The following NELL1 variants were observed in gnomAD, a reference collection of about 807,000 sequenced individuals.
NELL1 encodes protein kinase C-binding protein NELL1.
Under a neutral mutation model 107.4 loss-of-function variants are expected in NELL1, and 76 were observed. The ratio of observed to expected loss-of-function variants is 0.71; its 90% CI spans 0.59 to 0.86. The LOEUF is 0.86. Among genes scored for constraint, NELL1 ranks in the 40% least tolerant of loss-of-function variants. NELL1 has a pLI of 0.00. For missense variants in NELL1, 1,024 were observed against 1,005.5 expected, an observed-to-expected ratio of 1.02 and a Z score of -0.25; for synonymous variants, 353 against 341.2, an observed-to-expected ratio of 1.03 and a Z score of -0.38.
chr11:20,832,442 G>A (rs927680053), intron 3 of NELL1, among the ~76,000 whole-genome samples: 2 of 152,172 alleles, frequency 1.3e-5, no homozygotes, highest in Admixed American at 1.3e-4. Context: ...TAAGCTCTGT[G>A]AACACATGGA....
At chr11:20,860,228 T>G (rs957721187) in intron 4 of NELL1, among the ~76,000 whole-genome samples, 3 of 152,232 alleles carry the variant, frequency 2.0e-5, no homozygotes, top group Non-Finnish European at 1.5e-5. Flanking sequence ...TAAAATAGTG[T>G]TTGCTTTTCA....
At chr11:21,546,795 G>T (rs548533932) in intron 16 of NELL1, among the ~76,000 whole-genome samples, 1 of 152,070 alleles carries the variant, frequency 6.6e-6, no homozygotes, top group Non-Finnish European at 1.5e-5. Context: ...TCTTTGAAAT[G>T]AATATTGAAT....
intron 4 of NELL1, among the ~76,000 whole-genome samples, chr11:20,869,742 T>C (rs1215866822): frequency 6.6e-6 from 1 of 152,180 alleles, no homozygotes; most frequent in African/African-American, 2.4e-5. Flanking sequence ...GTACCAGGTA[T>C]GGTGAGAAGA....
intron 15 of NELL1, among the ~76,000 whole-genome samples, chr11:21,384,281 C>T (rs1022526346): frequency 3.9e-5 from 6 of 151,910 alleles, no homozygotes; most frequent in Admixed American, 1.3e-4. Context: ...CCCATTTTCA[C>T]TGCGTAAAAG....
chr11:21,435,841 G>A (rs1853101941), intron 15 of NELL1, among the ~76,000 whole-genome samples: 1 of 151,142 alleles, frequency 6.6e-6, no homozygotes, highest in Non-Finnish European at 1.5e-5. Context: ...TGGTATAATG[G>A]TAATGCTGGC....
At chr11:20,675,382 G>A (rs776727813) in intron 1 of NELL1, among the ~76,000 whole-genome samples, 12 of 152,134 alleles carry the variant, frequency 7.9e-5, no homozygotes, top group East Asian at 3.9e-4. Context: ...CATGTCATCC[G>A]TCATCTCATA....
At chr11:20,715,367 G>A (rs531944486) in intron 2 of NELL1, among the ~76,000 whole-genome samples, 1 of 151,098 alleles carries the variant, frequency 6.6e-6, no homozygotes, top group South Asian at 2.1e-4. Flanking sequence ...CCTTCTGTCA[G>A]CCTTCCTATA....
chr11:20,891,098 AG>A (rs1267140885), intron 5 of NELL1, among the ~76,000 whole-genome samples: 2 of 152,204 alleles, frequency 1.3e-5, no homozygotes, highest in South Asian at 4.1e-4. Context: ...AAAACTGTTA[AG>A]GGCAGCCAGA....
chr11:21,005,242 A>G (rs1565010582), intron 12 of NELL1, among the ~76,000 whole-genome samples: 1 of 152,210 alleles, frequency 6.6e-6, no homozygotes, highest in African/African-American at 2.4e-5. Flanking sequence ...TTCTCATTTA[A>G]GCCACTTAAA....
At chr11:21,542,182 A>C (rs149826028) in intron 16 of NELL1, among the ~76,000 whole-genome samples, 10 of 152,218 alleles carry the variant, frequency 6.6e-5, no homozygotes, top group East Asian at 1.9e-4. Context: ...CCCTCTTACT[A>C]TCCCCATTGT....
At position 20,692,606 on chromosome 11, in the gene NELL1, T is replaced by G. The variant is rs1034868581; in HGVS notation, c.184+14546T>G. ...TGTAGTTGAGTGGTTTTGAGTGAGT[T>G]TCTTAATCCTGAGTTCTAGTTTGAT... On this transcript the variant is annotated intron_variant, in intron 2 of 19. Transcript: ENST00000357134. 1.6e-4 allele frequency among the ~76,000 whole-genome samples: 24 copies of G among 151,356 alleles called. 1 individual carries two copies. Among genetic ancestry groups the G allele is most frequent in the African/African-American group, 5.4e-4 (22 of 41,106 alleles).
chr11:21,544,296 G>A (rs1856374522), intron 16 of NELL1, among the ~76,000 whole-genome samples: 1 of 151,966 alleles, frequency 6.6e-6, no homozygotes, highest in Non-Finnish European at 1.5e-5. Flanking sequence ...TAGGTAGGAT[G>A]CAGAAAATTT....
At chr11:21,544,208 T>C (rs996531472) in intron 16 of NELL1, among the ~76,000 whole-genome samples, 2 of 151,942 alleles carry the variant, frequency 1.3e-5, no homozygotes, top group Non-Finnish European at 2.9e-5. Flanking sequence ...ACAAAAACCT[T>C]CACAAGTATT....
At chr11:20,767,719 TATTCATTCATTCATTCATTC>T (rs112687398) in intron 2 of NELL1, among the ~76,000 whole-genome samples, 20 of 150,710 alleles carry the variant, frequency 1.3e-4, no homozygotes, top group Non-Finnish European at 1.8e-4. Flanking sequence ...CAATATATCA[TATTCATTCATTCATTCATTC>T]ATTCATTCAT....
At chr11:21,267,829 C>A (rs1848664720) in intron 14 of NELL1, among the ~76,000 whole-genome samples, 2 of 152,102 alleles carry the variant, frequency 1.3e-5, no homozygotes, top group Admixed American at 6.6e-5. Context: ...GATGTCCTAC[C>A]AGTTTCTGAC....
intron 2 of NELL1, among the ~76,000 whole-genome samples, chr11:20,705,387 C>A (rs1254253095): frequency 6.6e-6 from 1 of 152,020 alleles, no homozygotes; most frequent in East Asian, 1.9e-4. Context: ...TGATCTTTGA[C>A]AAACCTGACA....
chr11:21,486,853 T>A (rs1373865687), intron 15 of NELL1, among the ~76,000 whole-genome samples: 1 of 151,914 alleles, frequency 6.6e-6, no homozygotes, highest in Non-Finnish European at 1.5e-5. Flanking sequence ...TTGATAATAG[T>A]CTAGATCAAG....
At chr11:20,987,724 A>G (rs1851881617) in intron 12 of NELL1, among the ~76,000 whole-genome samples, 1 of 152,202 alleles carries the variant, frequency 6.6e-6, no homozygotes, top group African/African-American at 2.4e-5. Context: ...TAGCCAAACC[A>G]TATCAGAAAC....
intron 12 of NELL1, among the ~76,000 whole-genome samples, chr11:20,965,003 C>T (rs747354295): frequency 5.9e-5 from 9 of 151,996 alleles, no homozygotes; most frequent in South Asian, 2.1e-4. Flanking sequence ...CTACCTTGTG[C>T]GTAATAGCGT....
Sources: allele counts gnomAD v4.1 joint callset (sites outside exome capture counted in the v4.1 genomes callset), GRCh38; gene constraint gnomAD v4.1.1; transcripts MANE v1.5; gene names NCBI Gene and HGNC (gene_info 2026-07-23, HGNC 2026-07-21).